Variants in LRFN5 observed in about 807,000 individuals in gnomAD.
The protein encoded by LRFN5 is leucine rich repeat and fibronectin type III domain containing 5.
LRFN5 carries 24 observed loss-of-function variants against 45.6 expected under a neutral mutation model. The ratio of observed to expected loss-of-function variants is 0.53; its 90% CI spans 0.38 to 0.74. LRFN5 has a LOEUF of 0.74. Ranked by LOEUF, LRFN5 falls within the 30% of genes least tolerant of loss-of-function variation. The probability of loss-of-function intolerance (pLI) is 0.00; values close to 1 mark genes in which losing one functional copy is unlikely to be tolerated. For missense variants in LRFN5, 776 were observed against 861.5 expected (o/e 0.90, Z 1.24); for synonymous variants, 340 against 313.8 (o/e 1.08, Z -0.88).
chr14:41,844,264 C>CT (rs1888974133), intron 2 of LRFN5, among the ~76,000 whole-genome samples: 1 of 151,820 alleles, frequency 6.6e-6, no homozygotes, highest in Non-Finnish European at 1.5e-5. Flanking sequence ...GGTGAAACCC[C>CT]GTCTCTACTA....
intron 1 of LRFN5, among the ~76,000 whole-genome samples, chr14:41,725,613 C>T (rs1340853949): frequency 6.6e-6 from 1 of 152,148 alleles, no homozygotes; most frequent in Admixed American, 6.6e-5. Context: ...GTACCCTCAA[C>T]CAAATCTGTT....
In LRFN5 at chr14:41,755,388, G is replaced by T. The variant is rs533871861; in HGVS notation, c.-196-11466G>T. Among the ~76,000 whole-genome samples the T allele has an allele frequency of 7.9e-4, 120 of 152,266 alleles. 2 individuals carry two copies. The South Asian group carries it at 0.024, about 31-fold the overall frequency. ...GGTGTTAAAGTCTCCCATTATTATT[G>T]TGTGGGAGTCTAAGTCTCTTTGTAG... On this transcript the variant is annotated intron_variant, in intron 1 of 5. Coordinates refer to ENST00000298119, the MANE Select transcript of LRFN5 (RefSeq NM_152447.5).
intron 1 of LRFN5, among the ~76,000 whole-genome samples, chr14:41,665,608 A>G: frequency 6.6e-6 from 1 of 152,082 alleles, no homozygotes; most frequent in Admixed American, 6.6e-5. Context: ...CTCACGAACA[A>G]GTAAACTTTA....
chr14:41,796,304 A>C (rs1887129707), intron 2 of LRFN5, among the ~76,000 whole-genome samples: 1 of 152,006 alleles, frequency 6.6e-6, no homozygotes, highest in Non-Finnish European at 1.5e-5. Flanking sequence ...TGTCATTCAT[A>C]AACTTGTTAT....
At chr14:41,825,105 A>G (rs887204467) in intron 2 of LRFN5, among the ~76,000 whole-genome samples, 4 of 152,130 alleles carry the variant, frequency 2.6e-5, no homozygotes, top group Admixed American at 1.3e-4. Context: ...CAGCTCACCT[A>G]TTCCCTGTTG....
At chr14:41,883,160 C>A (rs1264629888) in intron 2 of LRFN5, among the ~76,000 whole-genome samples, 1 of 149,530 alleles carries the variant, frequency 6.7e-6, no homozygotes, top group East Asian at 2.0e-4. Context: ...CCATTTCCCC[C>A]CTTTTATCAA....
intron 1 of LRFN5, among the ~76,000 whole-genome samples, chr14:41,673,168 C>T (rs1881319275): frequency 6.6e-6 from 1 of 152,140 alleles, no homozygotes; most frequent in Non-Finnish European, 1.5e-5. Context: ...CCCCGCCTTT[C>T]CCCTCTTTCT....
chr14:41,902,403 CTATTGA>C (rs1891130083), intron 5 of LRFN5, among the ~76,000 whole-genome samples: 1 of 151,766 alleles, frequency 6.6e-6, no homozygotes, highest in African/African-American at 2.4e-5. Flanking sequence ...TAGGAGCTAT[CTATTGA>C]TAAGTAAATT....
Position 41,756,842 on chromosome 14 carries a change from A to T in LRFN5, c.-196-10012A>T, listed in dbSNP as rs530531096. ...GAGGAGGAGAGGTGCTCTGATTTTT[A>T]GAGTTTCCAGTTTTTCTGCTCTGTT... On this transcript the variant is annotated intron_variant, in intron 1 of 5. Transcript: ENST00000298119. Among the ~76,000 whole-genome samples the T allele has an allele frequency of 7.0e-4, 106 of 152,134 alleles. 1 individual carries two copies. The highest frequency in any genetic ancestry group is 1.2e-3 in the Non-Finnish European group (79 of 68,020).
chr14:41,759,450 C>T (rs923007724), intron 1 of LRFN5, among the ~76,000 whole-genome samples: 7 of 7,278 alleles, frequency 9.6e-4, no homozygotes, highest in East Asian at 0.031. Context: ...TCTCTCTCTA[C>T]ACACACACAC....
intron 1 of LRFN5, among the ~76,000 whole-genome samples, chr14:41,761,443 G>T (rs765842868): frequency 2.6e-5 from 4 of 152,072 alleles, no homozygotes; most frequent in Non-Finnish European, 5.9e-5. Flanking sequence ...ATTGAAAAAA[G>T]ATCATTACCA....
intron 1 of LRFN5, among the ~76,000 whole-genome samples, chr14:41,751,510 A>C (rs1157019125): frequency 6.6e-6 from 1 of 152,136 alleles, no homozygotes; most frequent in Non-Finnish European, 1.5e-5. Context: ...ATAAATATTC[A>C]CACTTATATT....
At chr14:41,814,134 T>C (rs923793611) in intron 2 of LRFN5, among the ~76,000 whole-genome samples, 2 of 152,208 alleles carry the variant, frequency 1.3e-5, no homozygotes, top group African/African-American at 2.4e-5. Context: ...TGATGATAGT[T>C]TCTTTTGCTG....
At chr14:41,846,659 A>T (rs1889079473) in intron 2 of LRFN5, among the ~76,000 whole-genome samples, 1 of 152,280 alleles carries the variant, frequency 6.6e-6, no homozygotes, top group South Asian at 2.1e-4. Context: ...TCCTATATGT[A>T]TGTTTCTGTA....
At chr14:41,776,121 T>C (rs1003849707) in intron 2 of LRFN5, among the ~76,000 whole-genome samples, 1 of 152,204 alleles carries the variant, frequency 6.6e-6, no homozygotes, top group Non-Finnish European at 1.5e-5. Context: ...ATAACATACA[T>C]GTTACTCTTT....
chr14:41,828,576 T>G (rs1888373086), intron 2 of LRFN5, among the ~76,000 whole-genome samples: 1 of 152,016 alleles, frequency 6.6e-6, no homozygotes, highest in South Asian at 2.1e-4. Flanking sequence ...CCATGTAGTA[T>G]TCCTCAAGTC....
chr14:41,804,219 A>C lies in LRFN5; in HGVS notation c.-21+37190A>C, dbSNP rs1053101901. On this transcript the variant is annotated intron_variant, in intron 2 of 5. Coordinates refer to ENST00000298119, the MANE Select transcript of LRFN5 (RefSeq NM_152447.5). ...GAAAATTTGGAGACTAGAGTTTTTC[A>C]AAGAGTTTGGCAGAGAGGGAGATGC... Among the ~76,000 whole-genome samples, 9 of 146,902 alleles carry C rather than the reference A, an allele frequency of 6.1e-5. No homozygotes were observed. In the Admixed American group the frequency reaches 6.2e-4, roughly 10 times the overall value.
chr14:41,806,209 C>T (rs1272839693), intron 2 of LRFN5, among the ~76,000 whole-genome samples: 1 of 152,140 alleles, frequency 6.6e-6, no homozygotes, highest in Non-Finnish European at 1.5e-5. Flanking sequence ...GTAAGATAAT[C>T]TTTAACATTA....
chr14:41,609,182 C>CAGAA (rs1887626826), intron 1 of LRFN5, among the ~76,000 whole-genome samples: 1 of 152,110 alleles, frequency 6.6e-6, no homozygotes, highest in Admixed American at 6.5e-5. Context: ...CCAGGACGTG[C>CAGAA]TTTTATGTAG....
Sources: gnomAD v4.1 joint callset for allele counts (sites outside exome capture counted in the v4.1 genomes callset) on GRCh38, gnomAD v4.1.1 for gene constraint, MANE v1.5 for transcripts, NCBI Gene and HGNC (gene_info 2026-07-23, HGNC 2026-07-21) for gene names.